HMGCS2: variants seen among roughly 807,000 people sequenced by gnomAD.
The protein encoded by HMGCS2 is 3-hydroxy-3-methylglutaryl-CoA synthase 2, also known as hydroxymethylglutaryl-CoA synthase, mitochondrial.
HMGCS2 carries 50 observed loss-of-function variants against 57.4 expected under a neutral mutation model. The observed-to-expected ratio is 0.87, with a 90% CI of 0.69 to 1.10. The LOEUF is 1.10. HMGCS2 is among the 50% of genes least tolerant of loss of function. The probability of loss-of-function intolerance (pLI) is 0.00; values close to 1 mark genes in which losing one functional copy is unlikely to be tolerated. For missense variants in HMGCS2, 627 were observed against 636.5 expected (o/e 0.99, Z 0.16); for synonymous variants, 254 against 245.1 (o/e 1.04, Z -0.34).
At chr1:119,760,563 A>G (rs1167228032) in intron 2 of HMGCS2, among the ~76,000 whole-genome samples, 1 of 152,208 alleles carries the variant, frequency 6.6e-6, no homozygotes, top group South Asian at 2.1e-4. Flanking sequence ...CGTGCCTTGA[A>G]TTGTGTGGCA....
At chr1:119,762,327 A>G (rs2101268824) in intron 2 of HMGCS2, among the ~76,000 whole-genome samples, 1 of 152,016 alleles carries the variant, frequency 6.6e-6, no homozygotes, top group Non-Finnish European at 1.5e-5. Context: ...GAATACATAT[A>G]AACCATCAGT....
intron 9 of HMGCS2, among the ~76,000 whole-genome samples, chr1:119,749,049 T>G (rs1652553944): frequency 6.6e-6 from 1 of 152,012 alleles, no homozygotes; most frequent in Non-Finnish European, 1.5e-5. Context: ...GTAGGCAGGG[T>G]CCCCGTCGCA....
chr1:119,753,534 A>G lies in HMGCS2; in HGVS notation c.1188-148T>C, dbSNP rs1006215214. 50 of 635,248 alleles carry G rather than the reference A, an allele frequency of 7.9e-5. No individual in the cohort carries two copies. In the African/African-American group the frequency reaches 8.5e-4, roughly 11 times the overall value. 39.4% of individuals were successfully genotyped at this position (635,248 alleles called of 1,614,324 possible). ...TTCTCCCTGTCTACCTCATGCAACTAGAAATGGGTTCCAGGCACCCTACAT... is the reference window on the plus strand; with the variant it reads ...TTCTCCCTGTCTACCTCATGCAACTGGAAATGGGTTCCAGGCACCCTACAT... On this transcript the variant is annotated intron_variant, in intron 6 of 9. Transcript: ENST00000369406.
chr1:119,762,458 A>C (rs1190141199), intron 2 of HMGCS2, among the ~76,000 whole-genome samples: 2 of 151,824 alleles, frequency 1.3e-5, no homozygotes, highest in African/African-American at 4.8e-5. Context: ...TAAAAAAAAA[A>C]ACACAAGAAA....
Position 119,768,741 on chromosome 1 carries a change from C to A in HMGCS2, c.104G>T (p.Arg35Met), listed in dbSNP as rs751101083. 3 of 1,610,012 alleles carry A rather than the reference C, an allele frequency of 1.9e-6. No homozygotes were observed. Among genetic ancestry groups the A allele is most frequent in the South Asian group, 2.2e-5 (2 of 91,008 alleles). Residue 35 changes from arginine (R) to methionine (M), a missense_variant and splice_region_variant, in exon 1 of 10, where the codon AGG (arginine) becomes ATG (methionine). Coordinates refer to ENST00000369406, the MANE Select transcript of HMGCS2 (RefSeq NM_005518.4). ...PARLLPVAHQRFSTASAVPLA... is the reference protein window; with the variant it reads ...PARLLPVAHQMFSTASAVPLA... ...AGGTGCTTCTCAGAAAGTGACTCAC[C>A]TTTGGTGGGCTACTGGGAGCAGGCG...
intron 1 of HMGCS2, 49 bp from the exon 2 acceptor site, chr1:119,764,675 T>TAG: frequency 7.2e-7 from 1 of 1,395,732 alleles, no homozygotes; most frequent in Non-Finnish European, 1.0e-6. Context: ...TGTAGACAAT[T>TAG]TCCTCAAAAG....
In HMGCS2 at chr1:119,755,449, AC is replaced by A; in HGVS notation, c.1164del (p.Cys389AlafsTer28). ...NGNMYTSSLY[G>X]CLASLLSHHS... ...CACTGGGACAGAAGCGAGGCCAGGC[AC>A]CCGTACAGGGATGAGGTGTACATGT... On this transcript the variant is annotated frameshift_variant, in exon 6 of 10. Coordinates refer to ENST00000369406, the MANE Select transcript of HMGCS2 (RefSeq NM_005518.4). LOFTEE classifies it high-confidence loss of function. The A allele has an allele frequency of 6.2e-7, 1 of 1,614,174 alleles. No homozygotes were observed. The highest frequency in any genetic ancestry group is 8.5e-7 in the Non-Finnish European group (1 of 1,180,032).
Position 119,759,263 on chromosome 1 carries a change from C to G in HMGCS2, c.705G>C (p.Met235Ile). ...ALERGLRGTHMENVYDFYKPN... is the reference protein window; with the variant it reads ...ALERGLRGTHIENVYDFYKPN... ...GTTTGTAGAAGTCATACACATTCTC[C>G]ATATGGGTTCCCCTCAGCCCTGGAA... Residue 235 changes from methionine to isoleucine, a missense_variant, in exon 4 of 10, where the codon ATG becomes ATC. Physicochemically the swap from Met to Ile is conservative, Grantham distance 10. Coordinates refer to ENST00000369406, the MANE Select transcript of HMGCS2 (RefSeq NM_005518.4). 2 of 1,613,954 alleles carry G rather than the reference C, an allele frequency of 1.2e-6. No homozygotes were observed. The highest frequency in any genetic ancestry group is 1.1e-5 in the South Asian group (1 of 91,076).
At chr1:119,751,113 C>G (rs1188594726) in intron 8 of HMGCS2, among the ~76,000 whole-genome samples, 1 of 152,116 alleles carries the variant, frequency 6.6e-6, no homozygotes, top group African/African-American at 2.4e-5. Context: ...GCACTTAAGG[C>G]CTTAATAAAA....
Position 119,764,511 on chromosome 1 carries a change from C to T in HMGCS2, c.220G>A (p.Glu74Lys), listed in dbSNP as rs587688416. Residue 74 changes from glutamate (E) to lysine (K), a missense_variant, in exon 2 of 10, where the codon GAG becomes AAG. By Grantham distance (56) the Glu-to-Lys change is moderately conservative. Transcript: ENST00000369406. The stretch of plus-strand genomic sequence containing the variant: ...CCTGCTTCCACATTGTTATACTTCT[C>T]CAGGTCAGTTTGGTCCACATATTGG... ...PAQYVDQTDL[E>K]KYNNVEAGKY... 6.2e-7 allele frequency: 1 copy of T among 1,613,660 alleles called. No individual in the cohort carries two copies. Among genetic ancestry groups the T allele is most frequent in the East Asian group, 2.2e-5 (1 of 44,864 alleles).
chr1:119,755,659 G>A, intron 5 of HMGCS2, 62 bp from the exon 6 acceptor site: 2 of 1,513,346 alleles, frequency 1.3e-6, no homozygotes, highest in Non-Finnish European at 1.8e-6. Context: ...GGAGCAAGGG[G>A]GAAAAGTAAC....
Sources: allele counts gnomAD v4.1 joint callset (sites outside exome capture counted in the v4.1 genomes callset), GRCh38; gene constraint gnomAD v4.1.1; transcripts MANE v1.5; gene names NCBI Gene and HGNC (gene_info 2026-07-23, HGNC 2026-07-21).